The following CPM variants were observed in gnomAD, a reference collection of about 807,000 sequenced individuals.
CPM encodes renal carboxypeptidase.
A neutral mutation model predicts 46.4 loss-of-function variants in CPM; 35 were observed. That is an observed-to-expected ratio of 0.75 (90% CI 0.58 to 1.00). CPM has a LOEUF of 1.00. Ranked by LOEUF, CPM falls within the 50% of genes least tolerant of loss-of-function variation. CPM has a pLI of 0.00. For synonymous variants in CPM, 195 were observed against 195.3 expected (o/e 1.00, Z 0.01); for missense variants, 422 against 530.4 (o/e 0.80, Z 2.01).
At chr12:68,927,742 C>G (rs907735281) in intron 2 of CPM, among the ~76,000 whole-genome samples, 1 of 152,014 alleles carries the variant, frequency 6.6e-6, no homozygotes, top group African/African-American at 2.4e-5. Flanking sequence ...AACAGAGAGC[C>G]AAATCATGAG....
chr12:68,930,171 C>T (rs1888441373), intron 2 of CPM, among the ~76,000 whole-genome samples: 1 of 152,232 alleles, frequency 6.6e-6, no homozygotes, highest in Non-Finnish European at 1.5e-5. Flanking sequence ...ACCTCTGCCT[C>T]CTGGGTTCAC....
intron 3 of CPM, among the ~76,000 whole-genome samples, chr12:68,873,163 G>C (rs1034116545): frequency 1.3e-5 from 2 of 152,200 alleles, no homozygotes; most frequent in Non-Finnish European, 2.9e-5. Context: ...AATCAGGAGA[G>C]TGCTGCAGGC....
intron 2 of CPM, among the ~76,000 whole-genome samples, chr12:68,904,672 G>A (rs1465962957): frequency 2.6e-5 from 4 of 152,196 alleles, no homozygotes; most frequent in Admixed American, 6.5e-5. Flanking sequence ...TACTGTTCAA[G>A]CCACTCTCTC....
rs34852745 is a variant in CPM at position 68,898,018 on chromosome 12, AT to A, written c.161-12130del. ...ACCACTACGCCTGGCTAATTTGTGT[AT>A]TTTTTTTTTTTTTTTGTAGAGATGG... is the stretch of plus-strand genomic sequence containing the variant. On this transcript the variant is annotated intron_variant, in intron 2 of 8. Coordinates refer to ENST00000551568, the MANE Select transcript of CPM (RefSeq NM_198320.5). Among the ~76,000 whole-genome samples, 711 of 133,976 alleles carry A rather than the reference AT, an allele frequency of 5.3e-3. 1 individual carries two copies. Among genetic ancestry groups the A allele is most frequent in the Middle Eastern group, 0.031 (8 of 258 alleles). The allele number at this position is 133,976 out of a possible 152,430, so 87.9% of individuals were successfully genotyped here.
chr12:68,899,417 T>A (rs902929290), intron 2 of CPM, among the ~76,000 whole-genome samples: 3 of 152,252 alleles, frequency 2.0e-5, no homozygotes, highest in Non-Finnish European at 4.4e-5. Flanking sequence ...TCATTAACCA[T>A]AAACACATTT....
chr12:68,923,214 T>TG (rs57539846), intron 2 of CPM, among the ~76,000 whole-genome samples: 63 of 138,616 alleles, frequency 4.5e-4, no homozygotes, highest in Admixed American at 7.6e-4. Flanking sequence ...TGTGTGTGTG[T>TG]TTTGAGTAAT....
At chr12:68,928,968 G>C (rs1888389630) in intron 2 of CPM, among the ~76,000 whole-genome samples, 1 of 149,988 alleles carries the variant, frequency 6.7e-6, no homozygotes, top group African/African-American at 2.5e-5. Flanking sequence ...CTGGTCTCCT[G>C]AAGTGCTGGG....
At chr12:68,935,023 C>T (rs558160594), upstream of CPM, among the ~76,000 whole-genome samples, 2 of 152,174 alleles carry the variant, frequency 1.3e-5, no homozygotes, top group East Asian at 3.9e-4. Context: ...AATTCTCCTG[C>T]CTCAGCCTAC....
At chr12:68,895,707 C>T (rs1886844420) in intron 2 of CPM, among the ~76,000 whole-genome samples, 1 of 152,110 alleles carries the variant, frequency 6.6e-6, no homozygotes, top group Admixed American at 6.5e-5. Flanking sequence ...AGGCCAGACA[C>T]AGTGGCTCAC....
chr12:68,946,475 T>G (rs1053422156), intron 1 of CPM, among the ~76,000 whole-genome samples: 3 of 152,214 alleles, frequency 2.0e-5, no homozygotes, highest in Non-Finnish European at 4.4e-5. Context: ...CTGTATGAAT[T>G]GAATGAATTC....
intron 6 of CPM, 55 bp from the exon 7 acceptor site, chr12:68,867,103 G>C: frequency 6.4e-7 from 1 of 1,561,870 alleles, no homozygotes; most frequent in South Asian, 1.1e-5. Flanking sequence ...GTGGAGCCAA[G>C]TATCACGTGC....
upstream of CPM, among the ~76,000 whole-genome samples, chr12:68,934,304 T>C (rs116768238): frequency 2.5e-3 from 387 of 152,346 alleles, 1 homozygote; most frequent in African/African-American, 8.9e-3. Context: ...AGAATTTTTC[T>C]CGTGGAGGCC....
chr12:68,872,042 G>GGAATTT, intron 3 of CPM, 86 bp from the exon 4 acceptor site: 4 of 1,362,394 alleles, frequency 2.9e-6, no homozygotes, highest in Non-Finnish European at 4.1e-6. Context: ...CCCCAATAGG[G>GGAATTT]GTCTCTACAC....
In CPM at chr12:68,854,633, A is replaced by C. The variant is rs1304952366; in HGVS notation, c.*1804T>G. 1.3e-5 allele frequency: 2 copies of C among 152,226 alleles called. No homozygotes were observed. Among genetic ancestry groups the C allele is most frequent in the Non-Finnish European group, 2.9e-5 (2 of 68,084 alleles). 9.4% of individuals were successfully genotyped at this position (152,226 alleles called of 1,614,324 possible). The stretch of plus-strand genomic sequence containing the variant: ...TGGGTCATAATGGCATTCCAGATAC[A>C]GGGGACACAAACAGCTCTGTGTTTA... On this transcript the variant is annotated 3_prime_UTR_variant, in exon 9 of 9. Coordinates refer to ENST00000551568, the MANE Select transcript of CPM (RefSeq NM_198320.5).
chr12:68,904,768 T>C (rs1015063454), intron 2 of CPM, among the ~76,000 whole-genome samples: 4 of 152,126 alleles, frequency 2.6e-5, no homozygotes, highest in African/African-American at 9.7e-5. Context: ...CAGCCTGGCA[T>C]GTGGGTGGAA....
At chr12:68,958,264 C>T (rs536875979) in intron 1 of CPM, among the ~76,000 whole-genome samples, 108 of 152,320 alleles carry the variant, frequency 7.1e-4, no homozygotes, top group Non-Finnish European at 1.3e-3. Flanking sequence ...GAGGAATTGC[C>T]ACACTGTCTT....
downstream of CPM, chr12:68,847,196 T>TATATATATATATA (rs1884363867): frequency 1.1e-5 from 1 of 92,080 alleles, no homozygotes; most frequent in Non-Finnish European, 2.1e-5. Flanking sequence ...TGTGTGTACA[T>TATATATATATATA]TATATATATA....
intron 1 of CPM, among the ~76,000 whole-genome samples, chr12:68,955,923 C>T (rs1358698019): frequency 8.6e-5 from 13 of 151,926 alleles, no homozygotes; most frequent in African/African-American, 3.1e-4. Flanking sequence ...AACTGAAAGC[C>T]GAGCCCCCAG....
At chr12:68,914,905 T>C (rs147133091) in intron 2 of CPM, among the ~76,000 whole-genome samples, 37 of 152,330 alleles carry the variant, frequency 2.4e-4, no homozygotes, top group African/African-American at 6.5e-4. Context: ...TGAGCCTCAG[T>C]TTCCTATCTG....
Sources: gnomAD v4.1 joint callset for allele counts (sites outside exome capture counted in the v4.1 genomes callset) on GRCh38, gnomAD v4.1.1 for gene constraint, MANE v1.5 for transcripts, NCBI Gene and HGNC (gene_info 2026-07-23, HGNC 2026-07-21) for gene names.